Variants in MAGI2 observed in about 807,000 individuals in gnomAD.
MAGI2 encodes membrane-associated guanylate kinase, WW and PDZ domain-containing protein 2.
Under a neutral mutation model 133.3 loss-of-function variants are expected in MAGI2, and 35 were observed. That is an observed-to-expected ratio of 0.26 (90% CI 0.20 to 0.35). MAGI2 has a LOEUF of 0.35. Ranked by LOEUF, MAGI2 falls within the 10% of genes least tolerant of loss-of-function variation. The pLI is 1.00. For missense variants in MAGI2, 1,636 were observed against 1,863.4 expected (o/e 0.88, Z 2.25); for synonymous variants, 729 against 710.6 (o/e 1.03, Z -0.41).
At chr7:78,196,913 T>C (rs1828792504) in intron 11 of MAGI2, among the ~76,000 whole-genome samples, 1 of 152,210 alleles carries the variant, frequency 6.6e-6, no homozygotes, top group Non-Finnish European at 1.5e-5. Context: ...ATAGAGAGGG[T>C]AAGTGGCTTG....
In MAGI2 at chr7:78,955,760, T is replaced by C. The variant is rs551175268; in HGVS notation, c.418+51330A>G. On this transcript the variant is annotated intron_variant, in intron 2 of 21. Coordinates refer to ENST00000354212, the MANE Select transcript of MAGI2 (RefSeq NM_012301.4). Reference sequence around the variant, plus strand: ...TTCTTTCTTTCTTTCTTTCTTTCTTTCTTTCTTTCTTTCTTTCTTTCTTTC... The same window carrying C: ...TTCTTTCTTTCTTTCTTTCTTTCTTCCTTTCTTTCTTTCTTTCTTTCTTTC... Among the ~76,000 whole-genome samples, 329 of 79,928 alleles carry C rather than the reference T, an allele frequency of 4.1e-3. 2 individuals are homozygous for C. Among genetic ancestry groups the C allele is most frequent in the African/African-American group, 0.012 (311 of 25,388 alleles). 52.4% of individuals were successfully genotyped at this position (79,928 alleles called of 152,430 possible). A position where few individuals can be genotyped will look rare whatever the true frequency, so the allele number is the denominator to read the frequency against.
intron 1 of MAGI2, among the ~76,000 whole-genome samples, chr7:79,400,293 A>G (rs551429151): frequency 1.3e-5 from 2 of 152,344 alleles, no homozygotes; most frequent in South Asian, 4.1e-4. Flanking sequence ...TATAAGGTAT[A>G]CATACACATT....
At chr7:78,775,923 A>G (rs1449946959) in intron 2 of MAGI2, among the ~76,000 whole-genome samples, 1 of 152,170 alleles carries the variant, frequency 6.6e-6, no homozygotes, top group African/African-American at 2.4e-5. Flanking sequence ...GAGCATTGTT[A>G]CTGTTTTGCT....
At chr7:78,079,226 C>A in intron 20 of MAGI2, 141 bp from the exon 21 acceptor site, 1 of 763,794 alleles carries the variant, frequency 1.3e-6, no homozygotes, top group Non-Finnish European at 2.2e-6. Context: ...TTGGAAGAGG[C>A]TATTCCCTGG....
chr7:79,125,511 A>G (rs1820333117), intron 1 of MAGI2: 1 of 513,756 alleles, frequency 1.9e-6, no homozygotes, highest in South Asian at 1.5e-5. Flanking sequence ...GAAGTGGTGG[A>G]CAGGGTTATA....
intron 3 of MAGI2, among the ~76,000 whole-genome samples, chr7:78,602,719 G>A (rs893322535): frequency 3.9e-5 from 6 of 152,068 alleles, no homozygotes; most frequent in African/African-American, 1.2e-4. Context: ...TATGTGAAAT[G>A]GGGAAAAATA....
At chr7:78,995,409 T>C (rs1483591601) in intron 2 of MAGI2, among the ~76,000 whole-genome samples, 3 of 152,182 alleles carry the variant, frequency 2.0e-5, no homozygotes, top group African/African-American at 2.4e-5. Context: ...CCATTAGATA[T>C]ATTACAATAT....
At chr7:79,385,851 G>C (rs563066016) in intron 1 of MAGI2, among the ~76,000 whole-genome samples, 6 of 151,898 alleles carry the variant, frequency 4.0e-5, no homozygotes, top group African/African-American at 1.4e-4. Flanking sequence ...CTCTTGTTAC[G>C]AAGAAAGTAA....
intron 2 of MAGI2, among the ~76,000 whole-genome samples, chr7:78,708,336 A>G (rs1015173529): frequency 3.3e-5 from 5 of 152,200 alleles, no homozygotes; most frequent in African/African-American, 4.8e-5. Flanking sequence ...TCAACTGATA[A>G]GCTCACTTCA....
intron 13 of MAGI2, among the ~76,000 whole-genome samples, 193 bp from the exon 14 acceptor site, chr7:78,178,295 G>C (rs1375212703): frequency 6.6e-6 from 1 of 152,130 alleles, no homozygotes; most frequent in Non-Finnish European, 1.5e-5. Context: ...GTTGTCCCTG[G>C]AATAATAGTG....
chr7:78,276,511 GT>G (rs1285982611), intron 9 of MAGI2, among the ~76,000 whole-genome samples: 1 of 151,580 alleles, frequency 6.6e-6, no homozygotes, highest in Non-Finnish European at 1.5e-5. Flanking sequence ...AAACTTCAGT[GT>G]TTATTTCACT....
chr7:79,179,505 A>T (rs1204533563), intron 1 of MAGI2, among the ~76,000 whole-genome samples: 1 of 152,054 alleles, frequency 6.6e-6, no homozygotes, highest in African/African-American at 2.4e-5. Context: ...TGGAGGTATA[A>T]TATAACTTGA....
intron 2 of MAGI2, among the ~76,000 whole-genome samples, chr7:78,823,765 T>C (rs891214600): frequency 6.6e-6 from 1 of 152,108 alleles, no homozygotes; most frequent in South Asian, 2.1e-4. Flanking sequence ...TTTCAGCATA[T>C]GCTAAGAAAA....
rs927119285 is a variant in MAGI2 at position 78,775,205 on chromosome 7, C to T, written c.419-147966G>A. 5.3e-5 allele frequency among the ~76,000 whole-genome samples: 8 copies of T among 150,986 alleles called. No homozygotes were observed. The South Asian group carries it at 1.0e-3, about 20-fold the overall frequency. ...GCAGGCGCCTGTAGTCCCAGCTACTCGGGAGGCTGAGGCAGGCGAATGGTG... is the reference window on the plus strand; with the variant it reads ...GCAGGCGCCTGTAGTCCCAGCTACTTGGGAGGCTGAGGCAGGCGAATGGTG... On this transcript the variant is annotated intron_variant, in intron 2 of 21. Transcript: ENST00000354212.
intron 6 of MAGI2, among the ~76,000 whole-genome samples, chr7:78,406,421 G>A (rs1455575522): frequency 1.3e-5 from 2 of 151,802 alleles, no homozygotes; most frequent in Non-Finnish European, 2.9e-5. Flanking sequence ...TTAAAACATG[G>A]ACAAAAATTA....
chr7:78,023,086 G>GTCCAGGCACGAGCCTGCAAAGC (rs571092132), intron 21 of MAGI2, among the ~76,000 whole-genome samples: 1 of 152,202 alleles, frequency 6.6e-6, no homozygotes, highest in East Asian at 1.9e-4. Flanking sequence ...TATGGTGTCT[G>GTCCAGGCACGAGCCTGCAAAGC]TCCAGGCACG....
intron 1 of MAGI2, among the ~76,000 whole-genome samples, chr7:79,234,413 C>G (rs1258417554): frequency 6.6e-6 from 1 of 151,996 alleles, no homozygotes; most frequent in Non-Finnish European, 1.5e-5. Flanking sequence ...TCCATTCTCC[C>G]CATCACTTTC....
chr7:79,044,043 T>C (rs1186264720), intron 1 of MAGI2, among the ~76,000 whole-genome samples: 1 of 152,050 alleles, frequency 6.6e-6, no homozygotes, highest in Non-Finnish European at 1.5e-5. Flanking sequence ...TTTCAAAAAA[T>C]TGAGGAGGTG....
At chr7:78,856,494 T>A (rs942702523) in intron 2 of MAGI2, among the ~76,000 whole-genome samples, 125 of 152,320 alleles carry the variant, frequency 8.2e-4, no homozygotes, top group African/African-American at 2.9e-3. Context: ...CCCAGCACCA[T>A]TTATTAAATA....
Sources: gnomAD v4.1 joint callset for allele counts (sites outside exome capture counted in the v4.1 genomes callset) on GRCh38, gnomAD v4.1.1 for gene constraint, MANE v1.5 for transcripts, NCBI Gene and HGNC (gene_info 2026-07-23, HGNC 2026-07-21) for gene names.